Variants in NCAN observed in about 807,000 individuals in gnomAD.
The protein encoded by NCAN is neurocan core protein.
A neutral mutation model predicts 121.8 loss-of-function variants in NCAN; 47 were observed. The observed-to-expected ratio is 0.39, with a 90% CI of 0.31 to 0.49. NCAN has a LOEUF of 0.49. NCAN is among the 20% of genes least tolerant of loss of function. The pLI is 0.92. For missense variants in NCAN, 1,517 were observed against 1,773.4 expected, an observed-to-expected ratio of 0.86 and a Z score of 2.60; for synonymous variants, 633 against 702.0, an observed-to-expected ratio of 0.90 and a Z score of 1.55.
chr19:19,219,523 C>T (rs1457964304), intron 3 of NCAN, among the ~76,000 whole-genome samples: 6 of 151,812 alleles, frequency 4.0e-5, no homozygotes, highest in African/African-American at 1.2e-4. Flanking sequence ...GGTGAAACCT[C>T]GTCTCCACAG....
At chr19:19,213,654 G>A (rs1220844738) in intron 1 of NCAN, among the ~76,000 whole-genome samples, 1 of 152,078 alleles carries the variant, frequency 6.6e-6, no homozygotes, top group East Asian at 1.9e-4. Flanking sequence ...TCTGGGGTGC[G>A]TGGCTGTGTG....
chr19:19,218,544 C>T (rs1430111708), intron 2 of NCAN, among the ~76,000 whole-genome samples: 1 of 151,862 alleles, frequency 6.6e-6, no homozygotes, highest in African/African-American at 2.4e-5. Context: ...GCGACCTTGG[C>T]TCACCGCAAC....
intron 10 of NCAN, among the ~76,000 whole-genome samples, chr19:19,236,106 A>G (rs2060880250): frequency 6.6e-6 from 1 of 151,906 alleles, no homozygotes; most frequent in Non-Finnish European, 1.5e-5. Flanking sequence ...TACAGCCATC[A>G]CCTCTGTCTA....
chr19:19,249,742 C>T lies in NCAN; in HGVS notation c.3821-24C>T, dbSNP rs377032909. 4 of 1,580,222 alleles carry T rather than the reference C, an allele frequency of 2.5e-6. No individual in the cohort carries two copies. The Admixed American group carries it at 5.5e-5, about 22-fold the overall frequency. ...CCTCTCACCACCTTTTGTCCCTTCC[C>T]TGTCCTCCCTCACTTCCCTGCAGCC... is the stretch of plus-strand genomic sequence containing the variant. On this transcript the variant is annotated intron_variant, in intron 14 of 14. Transcript: ENST00000252575.
In NCAN at chr19:19,245,365, A is replaced by AGGACTGTGTGGTGATGGTGGCGC; in HGVS notation, c.3546_3568dup (p.His1190ArgfsTer5). 1 of 1,614,202 alleles carries AGGACTGTGTGGTGATGGTGGCGC rather than the reference A, an allele frequency of 6.2e-7. No homozygotes were observed. On this transcript the variant is annotated frameshift_variant, in exon 13 of 15. Coordinates refer to ENST00000252575, the MANE Select transcript of NCAN (RefSeq NM_004386.3). LOFTEE classifies it high-confidence loss of function. ...CCGGACAATTTCTTCGCGGGTGGCG[A>AGGACTGTGTGGTGATGGTGGCGC]GGACTGTGTGGTGATGGTGGCGCAT...
In NCAN at chr19:19,227,488, C is replaced by A; in HGVS notation, c.1868C>A (p.Pro623His). ...AGCCCTGCCCCCTGGGAGGCATTCC[C>A]TGTGGCCACCTCCCCAGATCTCCCT... ...APSPAPWEAF[P>H]VATSPDLPMM... Residue 623 changes from proline (P) to histidine (H), a missense_variant, in exon 8 of 15, where the codon CCT becomes CAT. Transcript: ENST00000252575. This position sits in a 1 kb window ranked among gnomAD's most constrained non-coding sequence, Gnocchi z 4.2. 6 of 1,613,668 alleles carry A rather than the reference C, an allele frequency of 3.7e-6. No individual in the cohort carries two copies. The highest frequency in any genetic ancestry group is 5.1e-6 in the Non-Finnish European group (6 of 1,179,906).
rs1350207896 is a variant in NCAN at position 19,226,918 on chromosome 19, G to C, written c.1505G>C (p.Gly502Ala). The C allele has an allele frequency of 6.3e-6, 10 of 1,599,174 alleles. No homozygotes were observed. The highest frequency in any genetic ancestry group is 2.2e-5 in the East Asian group (1 of 44,656). ...QQQEPEPGLQ[G>A]GMEASAQPPT... is the part of the protein sequence containing the mutation. ...CAGGAACCGGAGCCGGGGCTGCAAGGGGGGATGGAGGCCAGCGCCCAGCCC... is the reference window on the plus strand; with the variant it reads ...CAGGAACCGGAGCCGGGGCTGCAAGCGGGGATGGAGGCCAGCGCCCAGCCC... Residue 502 changes from glycine (G) to alanine (A), a missense_variant, in exon 7 of 15, where the codon GGG becomes GCG. Physicochemically the swap from Gly to Ala is moderately conservative, Grantham distance 60. Coordinates refer to ENST00000252575, the MANE Select transcript of NCAN (RefSeq NM_004386.3).
chr19:19,221,059 C>T (rs1175009454), intron 3 of NCAN, among the ~76,000 whole-genome samples: 2 of 151,920 alleles, frequency 1.3e-5, no homozygotes, highest in African/African-American at 4.8e-5. Flanking sequence ...ATAGTGAGAC[C>T]TTGTCTATAC....
rs781335476 is a variant in NCAN, at chr19:19,227,088, G to A, written c.1660+15G>A. ...GCCTGGAGCTGGTGAGTTGCTCTGGGGGAGGCGGGACCTACCTGGGGATCT... is the reference window on the plus strand; with the variant it reads ...GCCTGGAGCTGGTGAGTTGCTCTGGAGGAGGCGGGACCTACCTGGGGATCT... On this transcript the variant is annotated intron_variant, in intron 7 of 14. Transcript: ENST00000252575. The surrounding 1 kb of genome is among the most constrained non-coding windows in gnomAD (Gnocchi z 4.2). The A allele has an allele frequency of 6.6e-7, 1 of 1,506,132 alleles. No homozygotes were observed. Among genetic ancestry groups the A allele is most frequent in the Non-Finnish European group, 8.9e-7 (1 of 1,129,510 alleles). 93.3% of individuals were successfully genotyped at this position (1,506,132 alleles called of 1,614,324 possible).
chr19:19,213,708 C>A (rs1411810974), intron 1 of NCAN, among the ~76,000 whole-genome samples: 5 of 152,026 alleles, frequency 3.3e-5, no homozygotes, highest in South Asian at 2.1e-4. Flanking sequence ...TCTTTCCATG[C>A]GGTTGGCAGT....
At chr19:19,248,925 T>C (rs761183252) in intron 14 of NCAN, 43 bp downstream of exon 14, 2 of 1,594,684 alleles carry the variant, frequency 1.3e-6, no homozygotes, top group Middle Eastern at 1.7e-4. Context: ...GTTTTTGGTA[T>C]TTCTAGTTTC....
chr19:19,248,253 T>A (rs1161697076), intron 13 of NCAN, among the ~76,000 whole-genome samples: 1 of 152,102 alleles, frequency 6.6e-6, no homozygotes, highest in Non-Finnish European at 1.5e-5. Flanking sequence ...AAGACCCGCC[T>A]GGCCAATATG....
chr19:19,224,925 C>T, intron 5 of NCAN, 52 bp from the exon 6 acceptor site: 1 of 1,347,778 alleles, frequency 7.4e-7, no homozygotes, highest in Non-Finnish European at 9.6e-7. Context: ...ACTTCCTGGG[C>T]TCCAGGGGAG....
At chr19:19,215,620 T>C (rs989661358) in intron 1 of NCAN, among the ~76,000 whole-genome samples, 1 of 152,148 alleles carries the variant, frequency 6.6e-6, no homozygotes, top group South Asian at 2.1e-4. Flanking sequence ...TGGGCAGGGG[T>C]GAGCCCCTTC....
At chr19:19,248,106 C>T (rs1186259361) in intron 13 of NCAN, among the ~76,000 whole-genome samples, 1 of 151,970 alleles carries the variant, frequency 6.6e-6, no homozygotes, top group Non-Finnish European at 1.5e-5. Flanking sequence ...TGTGATTGTG[C>T]CACTGCACTC....
At chr19:19,221,605 G>A (rs2060817056) in intron 3 of NCAN, among the ~76,000 whole-genome samples, 1 of 152,070 alleles carries the variant, frequency 6.6e-6, no homozygotes, top group Middle Eastern at 3.4e-3. Context: ...AACTAAATAA[G>A]CCAGATGTGG....
At position 19,233,776 on chromosome 19, in the gene NCAN, ATC is replaced by A; in HGVS notation, c.3020-12_3020-11del. 6.5e-7 allele frequency: 1 copy of A among 1,549,824 alleles called. No individual in the cohort carries two copies. The highest frequency in any genetic ancestry group is 8.9e-7 in the Non-Finnish European group (1 of 1,121,398). ...GGCCTGACTCTTCCCCACACTACCC[ATC>A]CATCCTGCAGTGCACTCAGATCCCT... On this transcript the variant is annotated splice_polypyrimidine_tract_variant and intron_variant, in intron 8 of 14. Coordinates refer to ENST00000252575, the MANE Select transcript of NCAN (RefSeq NM_004386.3).
At chr19:19,226,221 C>T (rs1364254435) in intron 6 of NCAN, among the ~76,000 whole-genome samples, 5 of 152,132 alleles carry the variant, frequency 3.3e-5, no homozygotes, top group Non-Finnish European at 5.9e-5. Context: ...TGAGCCACCG[C>T]GCCTGGCCCA....
At chr19:19,222,031 C>G (rs2060818621) in intron 3 of NCAN, among the ~76,000 whole-genome samples, 1 of 152,162 alleles carries the variant, frequency 6.6e-6, no homozygotes, top group African/African-American at 2.4e-5. Context: ...ACCTGTTTCC[C>G]TTAACTTAAA....
Sources: gnomAD v4.1 joint callset for allele counts (sites outside exome capture counted in the v4.1 genomes callset) on GRCh38, gnomAD v4.1.1 for gene constraint, Gnocchi (gnomAD v3.1) non-coding constraint, MANE v1.5 for transcripts, NCBI Gene and HGNC (gene_info 2026-07-23, HGNC 2026-07-21) for gene names.